The following ZNF532 variants were observed in gnomAD, a reference collection of about 807,000 sequenced individuals.
The protein encoded by ZNF532 is zinc finger protein 532.
Under a neutral mutation model 89.3 loss-of-function variants are expected in ZNF532, and 22 were observed. That is an observed-to-expected ratio of 0.25 (90% CI 0.18 to 0.35). ZNF532 has a LOEUF of 0.35. Ranked by LOEUF, ZNF532 falls within the 10% of genes least tolerant of loss-of-function variation. ZNF532 has a pLI of 1.00. For synonymous variants in ZNF532, 606 were observed against 649.6 expected (o/e 0.93, Z 1.02); for missense variants, 1,132 against 1,643.4 (o/e 0.69, Z 5.38).
intron 5 of ZNF532, among the ~76,000 whole-genome samples, chr18:58,945,846 G>C (rs1035492394): frequency 6.6e-6 from 1 of 151,836 alleles, no homozygotes; most frequent in Non-Finnish European, 1.5e-5. Flanking sequence ...CCCTGCCTCA[G>C]CCTGCCAAGT....
chr18:58,940,610 AG>A (rs764660151), intron 5 of ZNF532, among the ~76,000 whole-genome samples: 5 of 152,112 alleles, frequency 3.3e-5, no homozygotes, highest in Non-Finnish European at 5.9e-5. Context: ...CCATGAAGTG[AG>A]GGTCCTGCTT....
chr18:58,979,355 A>AAAC, intron 8 of ZNF532, 188 bp downstream of exon 8: 1 of 312,052 alleles, frequency 3.2e-6, no homozygotes, highest in Non-Finnish European at 5.8e-6. Flanking sequence ...ATAAAAAAAA[A>AAAC]AGGAGCATTT....
At chr18:58,964,332 A>G (rs923864108) in intron 7 of ZNF532, 3 of 152,178 alleles carry the variant, frequency 2.0e-5, no homozygotes, top group African/African-American at 7.2e-5. Flanking sequence ...TTTAGGAGAA[A>G]TATCTTTAAA....
At chr18:58,900,737 C>G (rs755305738) in intron 2 of ZNF532, among the ~76,000 whole-genome samples, 2 of 152,198 alleles carry the variant, frequency 1.3e-5, no homozygotes, top group African/African-American at 2.4e-5. Context: ...AATTCACATA[C>G]CATGCCACCT....
At chr18:58,902,951 G>T (rs1281446908) in intron 2 of ZNF532, among the ~76,000 whole-genome samples, 1 of 152,068 alleles carries the variant, frequency 6.6e-6, no homozygotes, top group Non-Finnish European at 1.5e-5. Flanking sequence ...TTTTTCCTCT[G>T]ATCATACCAT....
intron 2 of ZNF532, among the ~76,000 whole-genome samples, chr18:58,868,894 A>C (rs941295694): frequency 6.6e-6 from 1 of 152,244 alleles, no homozygotes; most frequent in African/African-American, 2.4e-5. Flanking sequence ...ACACAAACCT[A>C]GATGGTGTAG....
intron 5 of ZNF532, among the ~76,000 whole-genome samples, chr18:58,946,852 A>T (rs542648407): frequency 1.5e-4 from 23 of 152,026 alleles, no homozygotes; most frequent in Non-Finnish European, 3.4e-4. Flanking sequence ...TATAAATCTT[A>T]CGGGGAAAAA....
chr18:58,888,871 AT>A (rs2058653767), intron 2 of ZNF532, among the ~76,000 whole-genome samples: 1 of 53,064 alleles, frequency 1.9e-5, no homozygotes, highest in Non-Finnish European at 3.1e-5. Context: ...TATATATAAT[AT>A]ATATTATATA....
intron 3 of ZNF532, among the ~76,000 whole-genome samples, chr18:58,928,960 A>G (rs187248935): frequency 1.3e-5 from 2 of 152,340 alleles, no homozygotes; most frequent in East Asian, 3.9e-4. Context: ...AACCAACTAC[A>G]GACTGGAAAT....
Position 58,875,071 on chromosome 18 carries a change from GA to G in ZNF532, c.-18+9500del, listed in dbSNP as rs892693492. ...ACATATCAGGTTTTGAAGATGTAAT[GA>G]AAAAAAACAGAATATCTTGTTTTTT... is the stretch of plus-strand genomic sequence containing the variant. On this transcript the variant is annotated intron_variant, in intron 2 of 9. Transcript: ENST00000591808. Among the ~76,000 whole-genome samples, 51 of 151,480 alleles carry G rather than the reference GA, an allele frequency of 3.4e-4. 1 individual carries two copies. Among genetic ancestry groups the G allele is most frequent in the Middle Eastern group, 3.4e-3 (1 of 294 alleles).
Position 58,984,011 on chromosome 18 carries a change from G to C in ZNF532, c.3451G>C (p.Glu1151Gln). ...PKRKLEEPVL[E>Q]FRPPRGAITQ... ...GCGGAAGTTGGAAGAACCAGTTCTG[G>C]AGTTCAGGCCTCCCCGAGGAGCAAT... The change falls in exon 10 of 10, where the codon GAG (glutamate) becomes CAG (glutamine). Residue 1151 changes from glutamate to glutamine, a missense_variant. By Grantham distance (29) the Glu-to-Gln change is conservative. This residue lies in a region of ZNF532 where 415 missense variants were observed against 604.8 expected (regional missense o/e 0.69). Transcript: ENST00000591808. 6.2e-7 allele frequency: 1 copy of C among 1,611,598 alleles called. No individual in the cohort carries two copies. Among genetic ancestry groups the C allele is most frequent in the Non-Finnish European group, 8.5e-7 (1 of 1,179,746 alleles).
At position 58,920,673 on chromosome 18, in the gene ZNF532, C is replaced by G. The variant is rs778872110; in HGVS notation, c.2346+40C>G. ...AAATTTTTGTGTTTCAGTGATGAGT[C>G]TGTAGGCATGAGTGCTTGATAAGAT... On this transcript the variant is annotated intron_variant, in intron 3 of 9. Coordinates refer to ENST00000591808, the MANE Select transcript of ZNF532 (RefSeq NM_001375912.1). 1.7e-5 allele frequency: 26 copies of G among 1,522,890 alleles called. No individual in the cohort carries two copies. In the African/African-American group the frequency reaches 2.5e-4, roughly 15 times the overall value. 94.3% of individuals were successfully genotyped at this position (1,522,890 alleles called of 1,614,324 possible).
At chr18:58,888,316 C>G (rs1180327736) in intron 2 of ZNF532, among the ~76,000 whole-genome samples, 2 of 152,090 alleles carry the variant, frequency 1.3e-5, no homozygotes, top group Non-Finnish European at 2.9e-5. Flanking sequence ...TTAGAATGTA[C>G]AATGTCACGT....
chr18:58,964,854 G>C (rs955566596), intron 7 of ZNF532, among the ~76,000 whole-genome samples: 3 of 151,632 alleles, frequency 2.0e-5, no homozygotes, highest in Non-Finnish European at 2.9e-5. Flanking sequence ...TGATCCTCCA[G>C]CCTTGGCCTC....
chr18:58,952,911 T>C lies in ZNF532; in HGVS notation c.2869-607T>C, dbSNP rs529659482. 1.4e-4 allele frequency among the ~76,000 whole-genome samples: 22 copies of C among 152,332 alleles called. 1 individual carries two copies. The South Asian group carries it at 3.9e-3, about 27-fold the overall frequency. On this transcript the variant is annotated intron_variant, in intron 6 of 9. Coordinates refer to ENST00000591808, the MANE Select transcript of ZNF532 (RefSeq NM_001375912.1). ...GACATGAGTATCTAATGTGTGTAGT[T>C]CTCAAGCCTGGCTGCCATCAGTAAG... is the stretch of plus-strand genomic sequence containing the variant.
chr18:58,969,175 C>T lies in ZNF532; in HGVS notation c.3151-9880C>T, dbSNP rs540784418. ...AGCACTTTAGCTCTTGTGCCTGAGC[C>T]TCGGGGTGTGAGCTTTTCCACAGCC... On this transcript the variant is annotated intron_variant, in intron 7 of 9. Transcript: ENST00000591808. 8.5e-5 allele frequency among the ~76,000 whole-genome samples: 13 copies of T among 152,232 alleles called. No individual in the cohort carries two copies. The South Asian group carries it at 2.7e-3, about 32-fold the overall frequency.
At chr18:58,913,952 T>C (rs1407026649) in intron 2 of ZNF532, among the ~76,000 whole-genome samples, 1 of 152,228 alleles carries the variant, frequency 6.6e-6, no homozygotes, top group Non-Finnish European at 1.5e-5. Flanking sequence ...AGGATTAAAG[T>C]TGGGATTTAA....
intron 2 of ZNF532, among the ~76,000 whole-genome samples, chr18:58,872,788 C>T (rs1413525892): frequency 6.6e-6 from 1 of 151,946 alleles, no homozygotes; most frequent in Admixed American, 6.6e-5. Flanking sequence ...CAACCTCCGC[C>T]TTCCGGGTTC....
chr18:58,982,849 T>C (rs117169459), intron 9 of ZNF532, among the ~76,000 whole-genome samples: 2,929 of 152,186 alleles, frequency 0.019, 45 homozygotes, highest in Non-Finnish European at 0.03. Context: ...GCGTGGTGGC[T>C]CACACCTGTA....
Sources: allele counts gnomAD v4.1 joint callset (sites outside exome capture counted in the v4.1 genomes callset), GRCh38; gene constraint gnomAD v4.1.1; regional missense constraint gnomAD v4.1.1; transcripts MANE v1.5; gene names NCBI Gene and HGNC (gene_info 2026-07-23, HGNC 2026-07-21).